The following TTN variants were observed in gnomAD, a reference collection of about 807,000 sequenced individuals.
The protein encoded by TTN is titin, also known as connectin.
Under a neutral mutation model 3,223.0 loss-of-function variants are expected in TTN, and 1,525 were observed. The observed-to-expected ratio is 0.47, with a 90% CI of 0.45 to 0.49. The LOEUF (loss-of-function observed/expected upper bound fraction) is 0.49. TTN is among the 20% of genes least tolerant of loss of function. TTN has a pLI of 0.00. For synonymous variants in TTN, 14,094 were observed against 15,161.0 expected, an observed-to-expected ratio of 0.93 and a Z score of 5.17; for missense variants, 40,786 against 43,424.0, an observed-to-expected ratio of 0.94 and a Z score of 5.40.
In TTN at chr2:178,717,188, G is replaced by A. The variant is rs775937094; in HGVS notation, c.25546C>T (p.Leu8516Phe). Reference protein sequence around the residue: ...LVENTATLTVLKVGKGDAGQY... With the variant: ...LVENTATLTVFKVGKGDAGQY... ...CCGGCATCGCCTTTGCCTACTTTGA[G>A]AACTGTCAGAGTGGCAGTATTTTCT... is the stretch of plus-strand genomic sequence containing the variant. Residue 8516 changes from leucine (L) to phenylalanine (F), a missense_variant, in exon 88 of 363, where the codon CTC becomes TTC. Leu to Phe is a conservative substitution (Grantham distance 22). Transcript: ENST00000589042. The A allele has an allele frequency of 5.0e-6, 8 of 1,613,508 alleles. No individual in the cohort carries two copies. The highest frequency in any genetic ancestry group is 1.3e-5 in the African/African-American group (1 of 74,898).
In TTN at chr2:178,583,816, A is replaced by G. The variant is rs2048319290; in HGVS notation, c.65366T>C (p.Ile21789Thr). 4.3e-6 allele frequency: 7 copies of G among 1,610,044 alleles called. 1 individual carries two copies. Among genetic ancestry groups the G allele is most frequent in the Non-Finnish European group, 5.9e-6 (7 of 1,178,136 alleles). ...GCAAGCTTCTACGAAATAGCCAATA[A>G]TTTTACTGCCTCCATCATGCTTTGG... ...ARPKHDGGSK[I>T]IGYFVEACKL... is the part of the protein sequence containing the mutation. The change falls in exon 312 of 363, where the codon ATT becomes ACT. Residue 21789 changes from isoleucine (I) to threonine (T), a missense_variant. Ile to Thr is a moderately conservative substitution (Grantham distance 89, BLOSUM62 -1). Coordinates refer to ENST00000589042, the MANE Select transcript of TTN (RefSeq NM_001267550.2).
chr2:178,615,188 G>T, intron 259 of TTN, 119 bp downstream of exon 259: 2 of 1,267,234 alleles, frequency 1.6e-6, no homozygotes, highest in Non-Finnish European at 2.2e-6. Context: ...AAATCAGACA[G>T]ATACACCGGC....
chr2:178,642,389 C>T, intron 218 of TTN, 72 bp from the exon 219 acceptor site: 1 of 1,331,456 alleles, frequency 7.5e-7, no homozygotes, highest in Non-Finnish European at 1.0e-6. Context: ...AAAAATGTCT[C>T]TCCTAAAACT....
At position 178,526,936 on chromosome 2, in the gene TTN, G is replaced by T; in HGVS notation, c.*76C>A. 1.5e-6 allele frequency: 2 copies of T among 1,337,504 alleles called. No homozygotes were observed. Among genetic ancestry groups the T allele is most frequent in the Non-Finnish European group, 2.0e-6 (2 of 1,002,704 alleles). 82.9% of individuals were successfully genotyped at this position (1,337,504 alleles called of 1,614,324 possible). On this transcript the variant is annotated 3_prime_UTR_variant, in exon 363 of 363. Transcript: ENST00000589042. Reference sequence around the variant, plus strand: ...ACTTTTTTTTCTTTAAATATTTACAGTTCAGAAAGATTAGTCCGTGTGAAA... The same window carrying T: ...ACTTTTTTTTCTTTAAATATTTACATTTCAGAAAGATTAGTCCGTGTGAAA...
chr2:178,591,725 T>C lies in TTN; in HGVS notation c.60094A>G (p.Asn20032Asp), dbSNP rs1230376061. The change falls in exon 303 of 363, where the codon AAC becomes GAC. Residue 20032 changes from asparagine (N) to aspartate (D), a missense_variant. By Grantham distance (23) the Asn-to-Asp change is conservative (BLOSUM62 1). Coordinates refer to ENST00000589042, the MANE Select transcript of TTN (RefSeq NM_001267550.2). ...AGTCCAGTAACCACACACTCTAAGT[T>C]TGTCACAGTCTTAAATTTAATCCAG... ...QDWIKFKTVT[N>D]LECVVTGLQQ... The C allele has an allele frequency of 3.1e-6, 5 of 1,613,246 alleles. No homozygotes were observed. The Admixed American group carries it at 5.0e-5, about 16-fold the overall frequency.
intron 10 of TTN, among the ~76,000 whole-genome samples, chr2:178,791,595 C>T (rs1216254881): frequency 2.6e-5 from 4 of 151,572 alleles, no homozygotes; most frequent in East Asian, 1.9e-4. Flanking sequence ...TTGCTTTCTC[C>T]GATGTCTGGC....
In TTN at chr2:178,539,375, C is replaced by G. The variant is rs141150066; in HGVS notation, c.98683+7G>C. On this transcript the variant is annotated splice_region_variant and intron_variant, in intron 352 of 362. Transcript: ENST00000589042. ...GTTTATAATTTTGTGGTTGAAAGGGCACTTACTCAATGGTGTTTTTGGTGT... is the reference window on the plus strand; with the variant it reads ...GTTTATAATTTTGTGGTTGAAAGGGGACTTACTCAATGGTGTTTTTGGTGT... 208 of 1,607,964 alleles carry G rather than the reference C, an allele frequency of 1.3e-4. No individual in the cohort carries two copies. In the African/African-American group the frequency reaches 2.4e-3, roughly 19 times the overall value.
In TTN at chr2:178,531,088, T is replaced by A; in HGVS notation, c.105527A>T (p.Gln35176Leu). The change falls in exon 358 of 363, where the codon CAA becomes CTA. Residue 35176 changes from glutamine (Q) to leucine (L), a missense_variant. By Grantham distance (113) the Gln-to-Leu change is moderately radical. Coordinates refer to ENST00000589042, the MANE Select transcript of TTN (RefSeq NM_001267550.2). Reference sequence around the variant, plus strand: ...TGATTTGTACTTTGTGGTGGTCACTTGGTGGCGGGCAGAAGTACTTAGCAC... The same window carrying A: ...TGATTTGTACTTTGTGGTGGTCACTAGGTGGCGGGCAGAAGTACTTAGCAC... Reference protein sequence around the residue: ...GQVLSTSARHQVTTTKYKSTF... With the variant: ...GQVLSTSARHLVTTTKYKSTF... 6.2e-7 allele frequency: 1 copy of A among 1,613,996 alleles called. No individual in the cohort carries two copies. Among genetic ancestry groups the A allele is most frequent in the Non-Finnish European group, 8.5e-7 (1 of 1,179,868 alleles).
chr2:178,710,760 C>T lies in TTN; in HGVS notation c.28337G>A (p.Ser9446Asn), dbSNP rs762605364. ...EIRSGGKYQI[S>N]YLENSAHLTV... Reference sequence around the variant, plus strand: ...CAGGTGGGCGCTGTTTTCCAGATAACTAATCTGGTACTTTCCGCCACTTCG... The same window carrying T: ...CAGGTGGGCGCTGTTTTCCAGATAATTAATCTGGTACTTTCCGCCACTTCG... Residue 9446 changes from serine to asparagine, a missense_variant, in exon 98 of 363, where the codon AGT becomes AAT. By Grantham distance (46) the Ser-to-Asn change is conservative (BLOSUM62 1). Transcript: ENST00000589042. 1.9e-6 allele frequency: 3 copies of T among 1,613,912 alleles called. No homozygotes were observed. The highest frequency in any genetic ancestry group is 2.2e-5 in the East Asian group (1 of 44,864).
At position 178,709,794 on chromosome 2, in the gene TTN, TC is replaced by T. The variant is rs1489175898; in HGVS notation, c.28524del (p.Asn9509IlefsTer15). The T allele has an allele frequency of 1.2e-6, 2 of 1,613,710 alleles. No homozygotes were observed. The highest frequency in any genetic ancestry group is 1.7e-6 in the Non-Finnish European group (2 of 1,179,806). ...RLSETVEETE[G>X]NSFKLEGRVA... ...ACACGTCCCTCAAGTTTGAAAGAAT[TC>T]CCTTCTGTTTCTTCTACTGTCTCTG... is the stretch of plus-strand genomic sequence containing the variant. On this transcript the variant is annotated frameshift_variant, in exon 99 of 363. Coordinates refer to ENST00000589042, the MANE Select transcript of TTN (RefSeq NM_001267550.2). LOFTEE classifies it high-confidence loss of function.
chr2:178,653,158 G>T lies in TTN; in HGVS notation c.38792-34C>A, dbSNP rs562902129. The T allele has an allele frequency of 9.3e-6, 15 of 1,609,600 alleles. No individual in the cohort carries two copies. In the East Asian group the frequency reaches 2.2e-4, roughly 24 times the overall value. On this transcript the variant is annotated intron_variant, in intron 198 of 362. Coordinates refer to ENST00000589042, the MANE Select transcript of TTN (RefSeq NM_001267550.2). Reference sequence around the variant, plus strand: ...ATATTAGGTAAAATTACATTTAGGGGTTATGAAGACCACTGGAACAAAATG... The same window carrying T: ...ATATTAGGTAAAATTACATTTAGGGTTTATGAAGACCACTGGAACAAAATG...
At position 178,557,808 on chromosome 2, in the gene TTN, A is replaced by T; in HGVS notation, c.87546T>A (p.Thr29182=). ...TTGCAGACACTTCAGTCCACACTGC[A>T]GTACTTGTTTCTCTTTTGAGTAGAA... is the stretch of plus-strand genomic sequence containing the variant. ...NYILLKRETS[T]AVWTEVSATV... The change falls in exon 328 of 363, where the codon ACT becomes ACA. Residue 29182 remains threonine (T), a synonymous_variant. Coordinates refer to ENST00000589042, the MANE Select transcript of TTN (RefSeq NM_001267550.2). The T allele has an allele frequency of 6.2e-7, 1 of 1,613,966 alleles. No individual in the cohort carries two copies. Among genetic ancestry groups the T allele is most frequent in the Admixed American group, 1.7e-5 (1 of 60,028 alleles).
intron 149 of TTN, 81 bp downstream of exon 149, chr2:178,675,590 T>C: frequency 2.7e-6 from 3 of 1,096,870 alleles, no homozygotes; most frequent in Admixed American, 3.5e-5. Flanking sequence ...AATGCACACA[T>C]TTATGTTGAG....
rs756144934 is a variant in TTN, at chr2:178,528,843, C to T, written c.106908G>A (p.Val35636=). ...GCTCTACGCCATTCAGTACCCATTT[C>T]ACATCAGTGGCACCAGCAATGTTGG... is the stretch of plus-strand genomic sequence containing the variant. ...LKANIAGATD[V]KWVLNGVELT... The change falls in exon 360 of 363, where the codon GTG becomes GTA. Residue 35636 remains valine, a synonymous_variant. Transcript: ENST00000589042. The T allele has an allele frequency of 9.3e-6, 15 of 1,613,990 alleles. No individual in the cohort carries two copies. Among genetic ancestry groups the T allele is most frequent in the Non-Finnish European group, 9.3e-6 (11 of 1,179,866 alleles).
At position 178,635,565 on chromosome 2, in the gene TTN, T is replaced by C. The variant is rs751156425; in HGVS notation, c.41759A>G (p.Lys13920Arg). The C allele has an allele frequency of 1.3e-6, 2 of 1,594,896 alleles. 1 individual carries two copies. The highest frequency in any genetic ancestry group is 2.3e-5 in the South Asian group (2 of 88,658). ...YDEIPAEPND[K>R]TEILRDGNHL... ...ATTTCCATCTCTCAGTATTTCAGTC[T>C]TATCATTTGGTTCCGCAGGGATTTC... The change falls in exon 227 of 363, where the codon AAG becomes AGG. Residue 13920 changes from lysine (K) to arginine (R), a missense_variant. Physicochemically the swap from Lys to Arg is conservative, Grantham distance 26. Coordinates refer to ENST00000589042, the MANE Select transcript of TTN (RefSeq NM_001267550.2).
chr2:178,795,363 G>T, intron 6 of TTN, 111 bp from the exon 7 acceptor site: 1 of 980,218 alleles, frequency 1.0e-6, no homozygotes, highest in Non-Finnish European at 1.6e-6. Flanking sequence ...TAAAATGTGT[G>T]CCTCCATAAC....
intron 20 of TTN, 39 bp downstream of exon 20, chr2:178,782,173 A>G (rs1357626241): frequency 3.1e-6 from 5 of 1,610,824 alleles, no homozygotes; most frequent in Non-Finnish European, 4.2e-6. Flanking sequence ...CACGTATTAT[A>G]CAAGTCACAG....
Position 178,552,450 on chromosome 2 carries a change from G to T in TTN, c.90450C>A (p.His30150Gln). The T allele has an allele frequency of 6.2e-7, 1 of 1,606,578 alleles. No individual in the cohort carries two copies. Among genetic ancestry groups the T allele is most frequent in the Non-Finnish European group, 8.5e-7 (1 of 1,174,172 alleles). Residue 30150 changes from histidine (H) to glutamine (Q), a missense_variant, in exon 335 of 363, where the codon CAC becomes CAA. Physicochemically the swap from His to Gln is conservative, Grantham distance 24. Transcript: ENST00000589042. The stretch of plus-strand genomic sequence containing the variant: ...GTTTTCCCTTATAAGGTAATTCAAG[G>T]TGCACATTGTGCCCAATTCTCACAG... ...QVTVRIGHNV[H>Q]LELPYKGKPK...
intron 129 of TTN, 53 bp downstream of exon 129, chr2:178,685,200 T>C: frequency 7.1e-7 from 1 of 1,415,870 alleles, no homozygotes; most frequent in Middle Eastern, 1.9e-4. Flanking sequence ...TGTGAAGGTA[T>C]TATTATATAC....
Sources: gnomAD v4.1 joint callset for allele counts (sites outside exome capture counted in the v4.1 genomes callset) on GRCh38, gnomAD v4.1.1 for gene constraint, MANE v1.5 for transcripts, NCBI Gene and HGNC (gene_info 2026-07-23, HGNC 2026-07-21) for gene names.